Variants in MAN1C1 observed in about 807,000 individuals in gnomAD.
MAN1C1 encodes mannosyl-oligosaccharide 1,2-alpha-mannosidase IC.
MAN1C1 carries 49 observed loss-of-function variants against 71.5 expected under a neutral mutation model. The ratio of observed to expected loss-of-function variants is 0.69; its 90% CI spans 0.54 to 0.87. MAN1C1 has a LOEUF of 0.87. MAN1C1 is among the 40% of genes least tolerant of loss of function. The probability of loss-of-function intolerance (pLI) is 0.00; values close to 1 mark genes in which losing one functional copy is unlikely to be tolerated. For missense variants in MAN1C1, 743 were observed against 835.0 expected (o/e 0.89, Z 1.36); for synonymous variants, 352 against 343.7 (o/e 1.02, Z -0.27).
At chr1:25,706,897 C>T (rs1267013949) in intron 2 of MAN1C1, among the ~76,000 whole-genome samples, 2 of 152,144 alleles carry the variant, frequency 1.3e-5, no homozygotes, top group Non-Finnish European at 2.9e-5. Flanking sequence ...CAGGGTGTGG[C>T]TGGTTCCAGT....
intron 1 of MAN1C1, among the ~76,000 whole-genome samples, chr1:25,642,429 C>T (rs2045551067): frequency 6.6e-6 from 1 of 152,244 alleles, no homozygotes; most frequent in African/African-American, 2.4e-5. Context: ...CGTGACTTCA[C>T]CTGAGAATTG....
intron 1 of MAN1C1, among the ~76,000 whole-genome samples, chr1:25,654,803 C>T (rs559392949): frequency 1.3e-5 from 2 of 152,048 alleles, no homozygotes; most frequent in Admixed American, 6.6e-5. Context: ...CACACCACCA[C>T]GCCTAGCTAA....
At chr1:25,732,395 C>G (rs562488550) in intron 2 of MAN1C1, among the ~76,000 whole-genome samples, 387 of 152,338 alleles carry the variant, frequency 2.5e-3, no homozygotes, top group Non-Finnish European at 4.3e-3. Context: ...TCCTGGCTCC[C>G]TGTTCATCAG....
At chr1:25,710,168 C>G (rs2046595079) in intron 2 of MAN1C1, 1 of 152,232 alleles carries the variant, frequency 6.6e-6, no homozygotes, top group East Asian at 1.9e-4. Flanking sequence ...TGCTGTTCTC[C>G]CACTGGCATG....
At chr1:25,644,552 G>T (rs1392177492) in intron 1 of MAN1C1, 3 of 102,788 alleles carry the variant, frequency 2.9e-5, no homozygotes, top group African/African-American at 1.4e-4. Context: ...TTGAGACAAG[G>T]TCTCACCCTG....
Position 25,758,929 on chromosome 1 carries a change from G to GAGGGAAAAGGAGAGACAAGATTCTGCC in MAN1C1, c.1047+221_1047+247dup, listed in dbSNP as rs1324496996. On this transcript the variant is annotated intron_variant, in intron 6 of 11. Transcript: ENST00000374332. ...CACGCAGAGTCAATAAGATTCTACA[G>GAGGGAAAAGGAGAGACAAGATTCTGCC]AGGGAAAAGGAGAGACAAGATTCTG... 641 of 535,290 alleles carry GAGGGAAAAGGAGAGACAAGATTCTGCC rather than the reference G, an allele frequency of 1.2e-3. 1 individual carries two copies. The highest frequency in any genetic ancestry group is 1.8e-3 in the Non-Finnish European group (542 of 296,774). 33.2% of individuals were successfully genotyped at this position (535,290 alleles called of 1,614,324 possible).
intron 7 of MAN1C1, among the ~76,000 whole-genome samples, chr1:25,768,436 T>A: frequency 1.3e-5 from 1 of 76,110 alleles, no homozygotes; most frequent in South Asian, 5.1e-4. Flanking sequence ...AATTACACAC[T>A]CCCCTCACAC....
At chr1:25,733,662 C>T (rs756062029) in intron 2 of MAN1C1, among the ~76,000 whole-genome samples, 3 of 152,002 alleles carry the variant, frequency 2.0e-5, no homozygotes, top group Non-Finnish European at 4.4e-5. Context: ...AGGCACACCC[C>T]GAGTACCCAA....
In MAN1C1 at chr1:25,691,567, C is replaced by T. The variant is rs115909261; in HGVS notation, c.637+5031C>T. 3.0e-3 allele frequency among the ~76,000 whole-genome samples: 462 copies of T among 152,320 alleles called. 4 individuals are homozygous for T. Among genetic ancestry groups the T allele is most frequent in the African/African-American group, 0.011 (447 of 41,574 alleles). ...GGAAGCATTCATCAAGCGTCAGCTG[C>T]GATGAGGATGCTGCAAAACCCTTAG... On this transcript the variant is annotated intron_variant, in intron 2 of 11. Coordinates refer to ENST00000374332, the MANE Select transcript of MAN1C1 (RefSeq NM_020379.4).
chr1:25,625,291 C>T lies in MAN1C1; in HGVS notation c.540+6954C>T, dbSNP rs113637582. Among the ~76,000 whole-genome samples the T allele has an allele frequency of 8.9e-4, 135 of 152,074 alleles. 1 individual carries two copies. The highest frequency in any genetic ancestry group is 2.9e-3 in the African/African-American group (121 of 41,474). On this transcript the variant is annotated intron_variant, in intron 1 of 11. Coordinates refer to ENST00000374332, the MANE Select transcript of MAN1C1 (RefSeq NM_020379.4). ...AAGTGCTGGGATTACAGGTGTGAGC[C>T]GCACCCAGCCAAATGCACAGATCTT...
At chr1:25,765,568 T>G (rs545475954) in intron 7 of MAN1C1, among the ~76,000 whole-genome samples, 59 of 152,350 alleles carry the variant, frequency 3.9e-4, no homozygotes, top group African/African-American at 1.4e-3. Flanking sequence ...TGAACCTTGG[T>G]TTCCTGTCCT....
intron 8 of MAN1C1, among the ~76,000 whole-genome samples, chr1:25,774,908 C>T (rs1051963087): frequency 1.3e-4 from 20 of 152,000 alleles, no homozygotes; most frequent in African/African-American, 4.8e-4. Context: ...CAGTCGTCTG[C>T]CAGCCTGCAC....
chr1:25,671,799 A>C (rs1034423526), intron 1 of MAN1C1, among the ~76,000 whole-genome samples: 5 of 152,234 alleles, frequency 3.3e-5, no homozygotes, highest in Admixed American at 6.5e-5. Context: ...CAGGGGTCTG[A>C]AACAGGTCTC....
At chr1:25,701,028 C>A (rs958990174) in intron 2 of MAN1C1, among the ~76,000 whole-genome samples, 3 of 152,216 alleles carry the variant, frequency 2.0e-5, no homozygotes, top group African/African-American at 7.2e-5. Context: ...TTTTAAAATC[C>A]GAGGAGAAAA....
chr1:25,649,384 T>TGTGA (rs1355347555), intron 1 of MAN1C1, among the ~76,000 whole-genome samples: 1 of 152,204 alleles, frequency 6.6e-6, no homozygotes, highest in Non-Finnish European at 1.5e-5. Flanking sequence ...TTAGTGGTGG[T>TGTGA]GTGAGTCCAC....
Position 25,753,660 on chromosome 1 carries a change from G to C in MAN1C1, c.929+82G>C, listed in dbSNP as rs770337283. 5.3e-5 allele frequency: 67 copies of C among 1,270,050 alleles called. No homozygotes were observed. In the Middle Eastern group the frequency reaches 6.5e-4, roughly 12 times the overall value. 78.7% of individuals were successfully genotyped at this position (1,270,050 alleles called of 1,614,324 possible). ...TGTTTTGTCTGGGTGGTGCTGGTGA[G>C]GAGGCTCCAGGGGCAGTAGGCAGGC... is the stretch of plus-strand genomic sequence containing the variant. On this transcript the variant is annotated intron_variant, in intron 5 of 11. Transcript: ENST00000374332. This position sits in a 1 kb window ranked among gnomAD's most constrained non-coding sequence, Gnocchi z 4.9.
intron 2 of MAN1C1, among the ~76,000 whole-genome samples, chr1:25,702,191 TGGGGCTGCTTAGAAAGA>T (rs2046454180): frequency 6.6e-6 from 1 of 152,140 alleles, no homozygotes. Context: ...GATGTCCCCG[TGGGGCTGCTTAGAAAGA>T]ACTTGAGCAC....
At chr1:25,770,975 G>A (rs1037345732) in intron 7 of MAN1C1, among the ~76,000 whole-genome samples, 7 of 152,280 alleles carry the variant, frequency 4.6e-5, no homozygotes, top group East Asian at 1.9e-4. Flanking sequence ...AGTGTTCCTC[G>A]GGCAACCCGT....
chr1:25,619,920 T>TC (rs901509854), intron 1 of MAN1C1, among the ~76,000 whole-genome samples: 1 of 152,178 alleles, frequency 6.6e-6, no homozygotes, highest in Non-Finnish European at 1.5e-5. Context: ...TCATGGGGCA[T>TC]CCAGAGGTGC....
Sources: gnomAD v4.1 joint callset for allele counts (sites outside exome capture counted in the v4.1 genomes callset) on GRCh38, gnomAD v4.1.1 for gene constraint, Gnocchi (gnomAD v3.1) non-coding constraint, MANE v1.5 for transcripts, NCBI Gene and HGNC (gene_info 2026-07-23, HGNC 2026-07-21) for gene names.